C12orf42: variants seen among roughly 807,000 people sequenced by gnomAD.
C12orf42 encodes chromosome 12 open reading frame 42, also known as uncharacterized protein C12orf42.
C12orf42 carries 25 observed loss-of-function variants against 21.6 expected under a neutral mutation model. The observed-to-expected ratio is 1.16, with a 90% CI of 0.84 to 1.62. The LOEUF (loss-of-function observed/expected upper bound fraction) is 1.62. Among genes scored for constraint, C12orf42 ranks in the 40% most tolerant of loss-of-function variants. The pLI is 0.00. For missense variants in C12orf42, 483 were observed against 459.3 expected, an observed-to-expected ratio of 1.05 and a Z score of -0.47; for synonymous variants, 174 against 175.0, an observed-to-expected ratio of 0.99 and a Z score of 0.05.
the C12orf42 span, among the ~76,000 whole-genome samples, chr12:103,104,142 C>G: frequency 6.6e-6 from 1 of 152,110 alleles, no homozygotes; most frequent in African/African-American, 2.4e-5. Flanking sequence ...AAACAGTACT[C>G]CAACATATGT....
chr12:103,240,448 G>A (rs188477421), intron 10 of C12orf42, among the ~76,000 whole-genome samples: 20 of 152,284 alleles, frequency 1.3e-4, no homozygotes, highest in African/African-American at 4.8e-4. Context: ...TTTGAGGCCA[G>A]ACCATCTGGT....
chr12:103,480,483 T>C (rs2138051546), intron 1 of C12orf42, among the ~76,000 whole-genome samples: 1 of 151,862 alleles, frequency 6.6e-6, no homozygotes, highest in South Asian at 2.1e-4. Context: ...TTATTCTCTT[T>C]CCTATACATT....
chr12:103,401,704 A>G, intron 2 of C12orf42, 29 bp from the exon 3 acceptor site: 2 of 1,582,570 alleles, frequency 1.3e-6, no homozygotes, highest in South Asian at 1.1e-5. Flanking sequence ...GGCATTTAGT[A>G]TCACTTCAAT....
the C12orf42 span, among the ~76,000 whole-genome samples, chr12:103,128,245 G>T: frequency 2.0e-5 from 3 of 152,096 alleles, no homozygotes; most frequent in Non-Finnish European, 4.4e-5. Context: ...ATAGAGGAAA[G>T]AAAAAGCAAA....
chr12:103,286,603 CTTA>C (rs149287462), intron 4 of C12orf42, among the ~76,000 whole-genome samples: 3,353 of 151,274 alleles, frequency 0.022, 110 homozygotes, highest in African/African-American at 0.074. Flanking sequence ...TACTATTATT[CTTA>C]TTATTACTAT....
chr12:103,109,488 G>T, the C12orf42 span, among the ~76,000 whole-genome samples: 1 of 152,008 alleles, frequency 6.6e-6, no homozygotes, highest in East Asian at 1.9e-4. Flanking sequence ...GGGACATCCG[G>T]CTTGCCATTC....
the C12orf42 span, among the ~76,000 whole-genome samples, chr12:103,136,326 T>TA: frequency 4.6e-5 from 7 of 152,108 alleles, no homozygotes; most frequent in South Asian, 2.1e-4. Context: ...ACCAAGGGTA[T>TA]AAAAAACCTC....
chr12:103,300,711 A>G (rs573275097), downstream of C12orf42, among the ~76,000 whole-genome samples: 24 of 152,320 alleles, frequency 1.6e-4, no homozygotes, highest in African/African-American at 5.5e-4. Flanking sequence ...TCCCAGAATA[A>G]AACTTCTACA....
the C12orf42 span, among the ~76,000 whole-genome samples, chr12:103,173,546 T>C: frequency 6.6e-6 from 1 of 152,164 alleles, no homozygotes; most frequent in Non-Finnish European, 1.5e-5. Flanking sequence ...TGCCTCATAC[T>C]GTAACAAGAC....
intron 4 of C12orf42, among the ~76,000 whole-genome samples, chr12:103,360,577 T>C (rs1044723909): frequency 6.6e-6 from 1 of 152,122 alleles, no homozygotes; most frequent in African/African-American, 2.4e-5. Flanking sequence ...AAGATCCTAG[T>C]ATACCAAATC....
At chr12:103,434,569 C>T (rs879920787) in intron 2 of C12orf42, among the ~76,000 whole-genome samples, 61 of 152,220 alleles carry the variant, frequency 4.0e-4, no homozygotes, top group African/African-American at 1.2e-3. Flanking sequence ...CGAAGCAGGG[C>T]GAGGCATTGC....
chr12:103,183,104 C>A, the C12orf42 span, among the ~76,000 whole-genome samples: 1 of 152,134 alleles, frequency 6.6e-6, no homozygotes, highest in African/African-American at 2.4e-5. Context: ...CATTTTAAGA[C>A]GGAATCTCTT....
chr12:103,297,632 C>T (rs1392819407), downstream of C12orf42, among the ~76,000 whole-genome samples: 3 of 151,882 alleles, frequency 2.0e-5, no homozygotes, highest in Admixed American at 2.0e-4. Flanking sequence ...GATACCAAAG[C>T]CTGGCAGAGA....
the C12orf42 span, among the ~76,000 whole-genome samples, chr12:103,073,343 T>A: frequency 8.0e-3 from 1,214 of 152,160 alleles, 15 homozygotes; most frequent in African/African-American, 0.028. Flanking sequence ...AGTTTACAAA[T>A]AATAGAAGAA....
At chr12:103,255,975 C>T (rs1002273922) in intron 10 of C12orf42, among the ~76,000 whole-genome samples, 8 of 139,812 alleles carry the variant, frequency 5.7e-5, no homozygotes, top group African/African-American at 2.2e-4. Flanking sequence ...ATGGCGTGAA[C>T]CCGGGAGGTG....
intron 1 of C12orf42, among the ~76,000 whole-genome samples, chr12:103,487,486 C>A (rs570206160): frequency 1.3e-5 from 2 of 152,166 alleles, no homozygotes; most frequent in Non-Finnish European, 2.9e-5. Flanking sequence ...TGGTGCAGAA[C>A]TGAATTTAAG....
the C12orf42 span, among the ~76,000 whole-genome samples, chr12:103,073,930 G>A: frequency 6.6e-6 from 1 of 151,994 alleles, no homozygotes; most frequent in African/African-American, 2.4e-5. Flanking sequence ...TAACATATTT[G>A]CCTGAGGTTA....
chr12:103,522,422 C>T, the C12orf42 span, among the ~76,000 whole-genome samples: 3 of 152,104 alleles, frequency 2.0e-5, no homozygotes, highest in East Asian at 1.9e-4. Context: ...CTTTTTGTCC[C>T]GGCCCTCTCT....
chr12:103,521,139 A>C, the C12orf42 span, among the ~76,000 whole-genome samples: 1 of 152,216 alleles, frequency 6.6e-6, no homozygotes, highest in East Asian at 1.9e-4. Flanking sequence ...CTGTGGAAAT[A>C]ATTAATTCAG....
Sources: gnomAD v4.1 joint callset for allele counts (sites outside exome capture counted in the v4.1 genomes callset) on GRCh38, gnomAD v4.1.1 for gene constraint, MANE v1.5 for transcripts, NCBI Gene and HGNC (gene_info 2026-07-23, HGNC 2026-07-21) for gene names.